Variants in TPCN1 observed in about 807,000 individuals in gnomAD.
TPCN1 encodes the protein two pore channel protein 1.
TPCN1 carries 52 observed loss-of-function variants against 108.8 expected under a neutral mutation model. The ratio of observed to expected loss-of-function variants is 0.48; its 90% confidence interval spans 0.38 to 0.60. The LOEUF is 0.60. Ranked by LOEUF, TPCN1 falls within the 20% of genes least tolerant of loss-of-function variation. The pLI is 0.00. For synonymous variants in TPCN1, 446 were observed against 433.7 expected, an observed-to-expected ratio of 1.03 and a Z score of -0.35; for missense variants, 806 against 1,072.8, an observed-to-expected ratio of 0.75 and a Z score of 3.47.
At chr12:113,280,690 T>C (rs1415537911) in intron 15 of TPCN1, among the ~76,000 whole-genome samples, 1 of 152,258 alleles carries the variant, frequency 6.6e-6, no homozygotes, top group African/African-American at 2.4e-5. Context: ...AAGTGATTAA[T>C]AGCCACAAAT....
At chr12:113,280,111 T>C in intron 14 of TPCN1, 40 bp from the exon 15 acceptor site, 2 of 1,490,690 alleles carry the variant, frequency 1.3e-6, no homozygotes, top group Non-Finnish European at 1.9e-6. Flanking sequence ...GGGGAACAAG[T>C]GCGTAAATTT....
chr12:113,277,222 C>T lies in TPCN1; in HGVS notation c.1060-18C>T. 1 of 1,611,866 alleles carries T rather than the reference C, an allele frequency of 6.2e-7. No homozygotes were observed. The highest frequency in any genetic ancestry group is 8.5e-7 in the Non-Finnish European group (1 of 1,178,964). On this transcript the variant is annotated intron_variant, in intron 11 of 27. Coordinates refer to ENST00000335509, the MANE Select transcript of TPCN1 (RefSeq NM_017901.6). ...GGGGAGTAGCCTGGGTTCCACACTG[C>T]TCTTCCCTCTCCCCCAGAGGCCTGC...
intron 2 of TPCN1, among the ~76,000 whole-genome samples, chr12:113,246,622 G>GT (rs1954396984): frequency 6.6e-6 from 1 of 152,220 alleles, no homozygotes; most frequent in South Asian, 2.1e-4. Flanking sequence ...CAGAGGCAAG[G>GT]GCTAGCTGCC....
At position 113,288,383 on chromosome 12, in the gene TPCN1, T is replaced by TG. The variant is rs755671459; in HGVS notation, c.1706+150dup. 26 of 1,502,112 alleles carry TG rather than the reference T, an allele frequency of 1.7e-5. No individual in the cohort carries two copies. The African/African-American group carries it at 3.5e-4, about 20-fold the overall frequency. The allele number at this position is 1,502,112 out of a possible 1,614,324, so 93.0% of individuals were successfully genotyped here. On this transcript the variant is annotated intron_variant, in intron 20 of 27. Coordinates refer to ENST00000335509, the MANE Select transcript of TPCN1 (RefSeq NM_017901.6). This position sits in a 1 kb window ranked among gnomAD's most constrained non-coding sequence, Gnocchi z 4.8. ...CGGGGCTCCAAGGAGCCTGGAATCT[T>TG]GACCACCACAGGTCTCCTGGGCACC...
chr12:113,245,860 C>T, intron 2 of TPCN1: 1 of 430,252 alleles, frequency 2.3e-6, no homozygotes, highest in Admixed American at 2.4e-5. Flanking sequence ...CTCCCCAGTG[C>T]ATCTTTATAG....
rs1955547879 is a variant in TPCN1 at position 113,272,785 on chromosome 12, AG to A, written c.783+100del. ...GCGTGACCCTGTGGCCATATGGGGA[AG>A]GGGGGGCCTGCCTGGTTTCTCATCA... is the stretch of plus-strand genomic sequence containing the variant. On this transcript the variant is annotated intron_variant, in intron 8 of 27. Coordinates refer to ENST00000335509, the MANE Select transcript of TPCN1 (RefSeq NM_017901.6). This position sits in a 1 kb window ranked among gnomAD's most constrained non-coding sequence, Gnocchi z 4.1. The A allele has an allele frequency of 7.9e-6, 10 of 1,273,768 alleles. No homozygotes were observed. Among genetic ancestry groups the A allele is most frequent in the Non-Finnish European group, 1.1e-5 (10 of 871,626 alleles). The allele number at this position is 1,273,768 out of a possible 1,614,324, so 78.9% of individuals were successfully genotyped here.
rs556759247 is a variant in TPCN1, at chr12:113,265,642, G to A, written c.238-538G>A. On this transcript the variant is annotated intron_variant, in intron 3 of 27. Transcript: ENST00000335509. ...GCTCACTGCAGCTTTGACCTCCCGG[G>A]CTCAAGTGATTCTCCAACCTCAGCC... Among the ~76,000 whole-genome samples the A allele has an allele frequency of 2.0e-5, 3 of 151,704 alleles. No homozygotes were observed. In the South Asian group the frequency reaches 6.3e-4, roughly 32 times the overall value.
intron 2 of TPCN1, among the ~76,000 whole-genome samples, chr12:113,245,734 T>A (rs1954354695): frequency 6.6e-6 from 1 of 152,166 alleles, no homozygotes; most frequent in South Asian, 2.1e-4. Flanking sequence ...AAGCGATCTC[T>A]GGCCCAGGCA....
intron 1 of TPCN1, among the ~76,000 whole-genome samples, chr12:113,223,329 C>G (rs1409280965): frequency 6.6e-6 from 1 of 151,940 alleles, no homozygotes; most frequent in African/African-American, 2.4e-5. Flanking sequence ...CTGCCATTGA[C>G]TAGGTCAGTT....
Position 113,293,087 on chromosome 12 carries a change from G to A in TPCN1, c.2253+14G>A. 4 of 1,607,922 alleles carry A rather than the reference G, an allele frequency of 2.5e-6. No individual in the cohort carries two copies. Among genetic ancestry groups the A allele is most frequent in the Non-Finnish European group, 3.4e-6 (4 of 1,176,766 alleles). ...GAGAGATACCAGGTGAGGAGCCCAG[G>A]CCCTGGTCCGAAGGAGGGAGGCAGG... On this transcript the variant is annotated intron_variant, in intron 26 of 27. Transcript: ENST00000335509.
In TPCN1 at chr12:113,296,076, G is replaced by C. The variant is rs772232187; in HGVS notation, c.2451G>C (p.Ter817TyrextTer129). The change falls in exon 28 of 28, where the codon TAG becomes TAC. Residue 817 changes from the stop codon to tyrosine (Y), a stop_lost. Coordinates refer to ENST00000335509, the MANE Select transcript of TPCN1 (RefSeq NM_017901.6). ...GSRQRSQTVT[*>Y] ...GCCAGCGCTCCCAGACCGTTACCTA[G>C]CCCAGCGCCCGAAAGCCGTCTCTTC... 6.2e-7 allele frequency: 1 copy of C among 1,612,462 alleles called. No individual in the cohort carries two copies. Among genetic ancestry groups the C allele is most frequent in the South Asian group, 1.1e-5 (1 of 91,014 alleles).
At position 113,298,218 on chromosome 12, in the gene TPCN1, C is replaced by T. The variant is rs1021291406; in HGVS notation, c.*2142C>T. On this transcript the variant is annotated 3_prime_UTR_variant, in exon 28 of 28. Transcript: ENST00000335509. ...CATTGAGGTTAGGGACAGCTATCCCCAGGTTATGCCTGGCCCCACCCAGCA... is the reference window on the plus strand; with the variant it reads ...CATTGAGGTTAGGGACAGCTATCCCTAGGTTATGCCTGGCCCCACCCAGCA... 6.6e-6 allele frequency: 1 copy of T among 152,346 alleles called. No homozygotes were observed. The highest frequency in any genetic ancestry group is 2.4e-5 in the African/African-American group (1 of 41,478). The allele number at this position is 152,346 out of a possible 1,614,324, so 9.4% of individuals were successfully genotyped here.
chr12:113,282,516 G>A (rs371753727), intron 15 of TPCN1, among the ~76,000 whole-genome samples: 11 of 152,024 alleles, frequency 7.2e-5, no homozygotes, highest in African/African-American at 2.2e-4. Flanking sequence ...TCAGGAGGCC[G>A]AGGCGGGTGG....
rs1447468667 is a variant in TPCN1 at position 113,221,464 on chromosome 12, G to A, written c.-288G>A. On this transcript the variant is annotated 5_prime_UTR_variant, in exon 1 of 28. Transcript: ENST00000335509. ...AGAGGACGGTAGGCGGTGGATAGGA[G>A]AGCTGGCGCAGCTGCCCTGGTGGCA... The A allele has an allele frequency of 5.9e-6, 2 of 341,084 alleles. No individual in the cohort carries two copies. The highest frequency in any genetic ancestry group is 2.1e-5 in the South Asian group (1 of 47,832). The allele number at this position is 341,084 out of a possible 1,614,324, so 21.1% of individuals were successfully genotyped here.
At chr12:113,277,544 G>A (rs1329003363) in intron 12 of TPCN1, among the ~76,000 whole-genome samples, 180 bp downstream of exon 12, 1 of 152,204 alleles carries the variant, frequency 6.6e-6, no homozygotes. Flanking sequence ...TTTTGCAAGT[G>A]ACAAAAGTCC....
chr12:113,272,598 C>A lies in TPCN1; in HGVS notation c.749-60C>A. On this transcript the variant is annotated intron_variant, in intron 7 of 27. Coordinates refer to ENST00000335509, the MANE Select transcript of TPCN1 (RefSeq NM_017901.6). This position sits in a 1 kb window ranked among gnomAD's most constrained non-coding sequence, Gnocchi z 4.1. ...GCATGTATTTGTCCAGTCCTTTTGA[C>A]ACCAGGTTTTGGGACCTCTGCTCTA... The A allele has an allele frequency of 6.7e-7, 1 of 1,500,672 alleles. No individual in the cohort carries two copies. Among genetic ancestry groups the A allele is most frequent in the Non-Finnish European group, 9.3e-7 (1 of 1,076,758 alleles). The allele number at this position is 1,500,672 out of a possible 1,614,324, so 93.0% of individuals were successfully genotyped here. A position where few individuals can be genotyped will look rare whatever the true frequency, so the allele number is the denominator to read the frequency against.
At position 113,289,692 on chromosome 12, in the gene TPCN1, C is replaced by G. The variant is rs1956204907; in HGVS notation, c.1797-436C>G. Among the ~76,000 whole-genome samples, 1 of 152,240 alleles carries G rather than the reference C, an allele frequency of 6.6e-6. No individual in the cohort carries two copies. Among genetic ancestry groups the G allele is most frequent in the Non-Finnish European group, 1.5e-5 (1 of 68,046 alleles). The stretch of plus-strand genomic sequence containing the variant: ...TAAGAGCTCCTCAAAACAGGGCCAA[C>G]CTTTTCAAATACTTGCTCAGGCCAA... On this transcript the variant is annotated intron_variant, in intron 21 of 27. Transcript: ENST00000335509. This position sits in a 1 kb window ranked among gnomAD's most constrained non-coding sequence, Gnocchi z 4.1.
chr12:113,257,265 G>T (rs1051933944), intron 2 of TPCN1, among the ~76,000 whole-genome samples: 1 of 152,180 alleles, frequency 6.6e-6, no homozygotes, highest in Non-Finnish European at 1.5e-5. Flanking sequence ...GCCGAGGCGG[G>T]CAGATCACCT....
Position 113,290,263 on chromosome 12 carries a change from G to T in TPCN1, c.1912+20G>T. 6.6e-7 allele frequency: 1 copy of T among 1,520,582 alleles called. No individual in the cohort carries two copies. Among genetic ancestry groups the T allele is most frequent in the East Asian group, 2.3e-5 (1 of 42,614 alleles). The allele number at this position is 1,520,582 out of a possible 1,614,324, so 94.2% of individuals were successfully genotyped here. Reference sequence around the variant, plus strand: ...GCTTTGGTGAGTGGGAAAAATCACAGGGGGCACATTCCCTGGGGACCCCAC... The same window carrying T: ...GCTTTGGTGAGTGGGAAAAATCACATGGGGCACATTCCCTGGGGACCCCAC... On this transcript the variant is annotated intron_variant, in intron 22 of 27. Transcript: ENST00000335509.
Sources: gnomAD v4.1 joint callset for allele counts (sites outside exome capture counted in the v4.1 genomes callset) on GRCh38, gnomAD v4.1.1 for gene constraint, Gnocchi (gnomAD v3.1) non-coding constraint, MANE v1.5 for transcripts, NCBI Gene and HGNC (gene_info 2026-07-23, HGNC 2026-07-21) for gene names.